Variants in MYH9 observed in about 807,000 individuals in gnomAD.
MYH9 encodes myosin heavy chain 9.
Under a neutral mutation model 241.9 loss-of-function variants are expected in MYH9, and 29 were observed. That is an observed-to-expected ratio of 0.12 (90% CI 0.09 to 0.16). MYH9 has a LOEUF of 0.16. Among genes scored for constraint, MYH9 ranks in the 10% least tolerant of loss-of-function variants. The probability of loss-of-function intolerance (pLI) is 1.00; values close to 1 mark genes in which losing one functional copy is unlikely to be tolerated. For missense variants in MYH9, 1,803 were observed against 2,595.5 expected, an observed-to-expected ratio of 0.69 and a Z score of 6.63; for synonymous variants, 1,047 against 1,062.6, an observed-to-expected ratio of 0.99 and a Z score of 0.29.
In MYH9 at chr22:36,321,832, A is replaced by T; in HGVS notation, c.706-11T>A. The T allele has an allele frequency of 6.2e-7, 1 of 1,612,902 alleles. No individual in the cohort carries two copies. Among genetic ancestry groups the T allele is most frequent in the Non-Finnish European group, 8.5e-7 (1 of 1,178,898 alleles). ...GCGAATGAATTTGCCCTAAGTAAGA[A>T]AGGATAGCAAGAGATCAGAGGTGCC... On this transcript the variant is annotated splice_polypyrimidine_tract_variant and intron_variant, in intron 6 of 40. Transcript: ENST00000216181.
intron 11 of MYH9, 61 bp downstream of exon 11, chr22:36,318,146 G>A: frequency 6.9e-7 from 1 of 1,443,406 alleles, no homozygotes; most frequent in Non-Finnish European, 9.7e-7. Context: ...AGCCTCAACT[G>A]TGCTGCTGCA....
Position 36,295,482 on chromosome 22 carries a change from A to G in MYH9, c.3485+23T>C. On this transcript the variant is annotated intron_variant, in intron 26 of 40. Coordinates refer to ENST00000216181, the MANE Select transcript of MYH9 (RefSeq NM_002473.6). The surrounding 1 kb of genome is among the most constrained non-coding windows in gnomAD (Gnocchi z 4.1). ...CCCCCTGGCTGCCCTCCCCATCCCG[A>G]GGGACTTGGTCCCAGGGCACACCTG... is the stretch of plus-strand genomic sequence containing the variant. The G allele has an allele frequency of 6.2e-7, 1 of 1,606,596 alleles. No individual in the cohort carries two copies. The highest frequency in any genetic ancestry group is 8.5e-7 in the Non-Finnish European group (1 of 1,176,714).
At position 36,314,456 on chromosome 22, in the gene MYH9, G is replaced by A. The variant is rs137871496; in HGVS notation, c.1381-138C>T. 263 of 1,063,780 alleles carry A rather than the reference G, an allele frequency of 2.5e-4. No individual in the cohort carries two copies. The East Asian group carries it at 4.3e-3, about 17-fold the overall frequency. The allele number at this position is 1,063,780 out of a possible 1,614,324, so 65.9% of individuals were successfully genotyped here. A position where few individuals can be genotyped will look rare whatever the true frequency, so the allele number is the denominator to read the frequency against. ...CTCCATGCCGCTGCCTTTAGAGCCCGGATGCTCCTGGCCTTCCCTTTATCC... is the reference window on the plus strand; with the variant it reads ...CTCCATGCCGCTGCCTTTAGAGCCCAGATGCTCCTGGCCTTCCCTTTATCC... On this transcript the variant is annotated intron_variant, in intron 12 of 40. Coordinates refer to ENST00000216181, the MANE Select transcript of MYH9 (RefSeq NM_002473.6).
intron 3 of MYH9, 45 bp from the exon 4 acceptor site, chr22:36,327,533 G>A (rs565119165): frequency 1.9e-6 from 3 of 1,612,240 alleles, no homozygotes; most frequent in Admixed American, 1.7e-5. Context: ...AGATGCAAAA[G>A]CCTCCCCACC....
Position 36,282,627 on chromosome 22 carries a change from T to C in MYH9, c.*41A>G, listed in dbSNP as rs199511248. The C allele has an allele frequency of 5.1e-6, 8 of 1,575,862 alleles. No individual in the cohort carries two copies. The highest frequency in any genetic ancestry group is 6.1e-6 in the Non-Finnish European group (7 of 1,146,614). On this transcript the variant is annotated 3_prime_UTR_variant, in exon 41 of 41. Transcript: ENST00000216181. ...GGGGTCTGGGAAGGGGAGGCTGTGG[T>C]GTCTGTCTGTCCATCCATCTCAGGC...
At chr22:36,339,922 C>A (rs2017557758) in intron 3 of MYH9, among the ~76,000 whole-genome samples, 1 of 152,104 alleles carries the variant, frequency 6.6e-6, no homozygotes, top group African/African-American at 2.4e-5. Context: ...TAAAGCACTA[C>A]CAGGGCTCTG....
chr22:36,309,028 C>T (rs759471419), intron 15 of MYH9, among the ~76,000 whole-genome samples: 52 of 152,216 alleles, frequency 3.4e-4, no homozygotes, highest in Non-Finnish European at 5.6e-4. Context: ...AGGCTCGGGG[C>T]TGCCCTTGAC....
chr22:36,314,919 G>A (rs2017126663), intron 12 of MYH9, among the ~76,000 whole-genome samples: 1 of 152,150 alleles, frequency 6.6e-6, no homozygotes, highest in East Asian at 1.9e-4. Flanking sequence ...GAAGTGCTGG[G>A]ACTACAGGTG....
In MYH9 at chr22:36,305,299, G is replaced by A. The variant is rs1245084503; in HGVS notation, c.2160-197C>T. Among the ~76,000 whole-genome samples the A allele has an allele frequency of 6.6e-6, 1 of 152,202 alleles. No individual in the cohort carries two copies. The highest frequency in any genetic ancestry group is 2.4e-5 in the African/African-American group (1 of 41,442). On this transcript the variant is annotated intron_variant, in intron 17 of 40. Transcript: ENST00000216181. The surrounding 1 kb of genome is among the most constrained non-coding windows in gnomAD (Gnocchi z 4.7). ...GGCTGAATGAGACAAGGAAGCCTTG[G>A]TGTTTTCCGGAAAGTGAATGGAAAC...
chr22:36,377,456 T>C (rs1215786923), intron 1 of MYH9, among the ~76,000 whole-genome samples: 1 of 152,022 alleles, frequency 6.6e-6, no homozygotes, highest in Non-Finnish European at 1.5e-5. Flanking sequence ...ATCAGTGTAA[T>C]GAGATGAATT....
intron 2 of MYH9, among the ~76,000 whole-genome samples, chr22:36,341,822 C>G (rs574385899): frequency 8.5e-5 from 13 of 152,214 alleles, no homozygotes; most frequent in Non-Finnish European, 1.8e-4. Flanking sequence ...CGCGGCCAAG[C>G]AGACAACAGC....
At position 36,334,370 on chromosome 22, in the gene MYH9, C is replaced by T. The variant is rs527974230; in HGVS notation, c.491-6882G>A. Reference sequence around the variant, plus strand: ...AGCACCTGTCTGGTCCACCAGCATCCCAGGGAACAGAAAAGTGTCTCAGGG... The same window carrying T: ...AGCACCTGTCTGGTCCACCAGCATCTCAGGGAACAGAAAAGTGTCTCAGGG... On this transcript the variant is annotated intron_variant, in intron 3 of 40. Coordinates refer to ENST00000216181, the MANE Select transcript of MYH9 (RefSeq NM_002473.6). Among the ~76,000 whole-genome samples, 4 of 152,300 alleles carry T rather than the reference C, an allele frequency of 2.6e-5. No individual in the cohort carries two copies. The East Asian group carries it at 7.7e-4, about 29-fold the overall frequency.
Position 36,293,225 on chromosome 22 carries a change from A to G in MYH9, c.4095+104T>C. ...TTGGCTTCCCAGGGGGAGAGCAGCA[A>G]TGGGCCGGCCCAGCGGGCAGGGCTG... On this transcript the variant is annotated intron_variant, in intron 30 of 40. Coordinates refer to ENST00000216181, the MANE Select transcript of MYH9 (RefSeq NM_002473.6). The surrounding 1 kb of genome is among the most constrained non-coding windows in gnomAD (Gnocchi z 5.1). The G allele has an allele frequency of 6.7e-7, 1 of 1,487,546 alleles. No individual in the cohort carries two copies. The highest frequency in any genetic ancestry group is 9.2e-7 in the Non-Finnish European group (1 of 1,083,686). 92.1% of individuals were successfully genotyped at this position (1,487,546 alleles called of 1,614,324 possible).
intron 10 of MYH9, 102 bp downstream of exon 10, chr22:36,319,437 TA>T (rs777222328): frequency 9.3e-7 from 1 of 1,077,926 alleles, no homozygotes; most frequent in East Asian, 2.5e-5. Flanking sequence ...ATACTAACAT[TA>T]AAAAGAATAG....
At chr22:36,331,271 G>A (rs570029174) in intron 3 of MYH9, among the ~76,000 whole-genome samples, 2 of 152,094 alleles carry the variant, frequency 1.3e-5, no homozygotes, top group Admixed American at 6.5e-5. Flanking sequence ...CAGACATGCC[G>A]TCCTCACCCG....
intron 18 of MYH9, among the ~76,000 whole-genome samples, chr22:36,304,730 G>A (rs1045714728): frequency 6.6e-6 from 1 of 152,200 alleles, no homozygotes; most frequent in Admixed American, 6.5e-5. Flanking sequence ...AGTCAGGCCC[G>A]TGAGCAAGAA....
In MYH9 at chr22:36,305,020, C is replaced by A. The variant is rs139146113; in HGVS notation, c.2229+13G>T. The A allele has an allele frequency of 6.1e-4, 983 of 1,613,058 alleles. 7 individuals carry two copies. In the African/African-American group the frequency reaches 0.012, roughly 19 times the overall value. On this transcript the variant is annotated intron_variant, in intron 18 of 40. Transcript: ENST00000216181. This position sits in a 1 kb window ranked among gnomAD's most constrained non-coding sequence, Gnocchi z 4.7. ...TGCCCATCCAGAGAGGCAGGGACAG[C>A]AGCTCAACTCACCATGAGCACGCAC...
At chr22:36,323,752 A>AC (rs929197579) in intron 5 of MYH9, among the ~76,000 whole-genome samples, 5 of 151,854 alleles carry the variant, frequency 3.3e-5, no homozygotes, top group African/African-American at 1.2e-4. Context: ...CTAGGCCAGG[A>AC]CCCCCCAACC....
Position 36,353,887 on chromosome 22 carries a change from T to C in MYH9, c.-19-4632A>G, listed in dbSNP as rs535038850. On this transcript the variant is annotated intron_variant, in intron 1 of 40. Coordinates refer to ENST00000216181, the MANE Select transcript of MYH9 (RefSeq NM_002473.6). Reference sequence around the variant, plus strand: ...CTTACTTACTGTGACTATTTTCCTGTAGGGCTAGGATTTGCTTGGTTTTTG... The same window carrying C: ...CTTACTTACTGTGACTATTTTCCTGCAGGGCTAGGATTTGCTTGGTTTTTG... Among the ~76,000 whole-genome samples the C allele has an allele frequency of 2.6e-5, 4 of 152,194 alleles. No homozygotes were observed. In the South Asian group the frequency reaches 6.2e-4, roughly 24 times the overall value.
Sources: allele counts gnomAD v4.1 joint callset (sites outside exome capture counted in the v4.1 genomes callset), GRCh38; gene constraint gnomAD v4.1.1; non-coding constraint Gnocchi (gnomAD v3.1); transcripts MANE v1.5; gene names NCBI Gene and HGNC (gene_info 2026-07-23, HGNC 2026-07-21).